The following KCTD7 variants were observed in gnomAD, a reference collection of about 807,000 sequenced individuals.
KCTD7 encodes potassium channel tetramerization domain containing 7, also known as BTB/POZ domain-containing protein KCTD7.
A neutral mutation model predicts 27.0 loss-of-function variants in KCTD7; 15 were observed. The observed-to-expected ratio is 0.56, with a 90% CI of 0.37 to 0.86. The LOEUF (loss-of-function observed/expected upper bound fraction) is 0.86. Among genes scored for constraint, KCTD7 ranks in the 40% least tolerant of loss-of-function variants. The pLI, the probability that KCTD7 is intolerant of heterozygous loss-of-function variation, is 0.00. For missense variants in KCTD7, 299 were observed against 398.9 expected, an observed-to-expected ratio of 0.75 and a Z score of 2.13; for synonymous variants, 159 against 162.7, an observed-to-expected ratio of 0.98 and a Z score of 0.17.
At chr7:66,637,541 C>G (rs996723996) in intron 2 of KCTD7, among the ~76,000 whole-genome samples, 2 of 151,674 alleles carry the variant, frequency 1.3e-5, no homozygotes, top group African/African-American at 2.4e-5. Context: ...CTAATAAAAA[C>G]AAAAAAACAA....
At position 66,642,300 on chromosome 7, in the gene KCTD7, T is replaced by C; in HGVS notation, c.*3068T>C. 2.0e-6 allele frequency: 2 copies of C among 985,434 alleles called. No individual in the cohort carries two copies. The highest frequency in any genetic ancestry group is 2.4e-6 in the Non-Finnish European group (2 of 829,918). 61.0% of individuals were successfully genotyped at this position (985,434 alleles called of 1,614,324 possible). A position where few individuals can be genotyped will look rare whatever the true frequency, so the allele number is the denominator to read the frequency against. ...TCACCAGGCTGCCCAGTGCTTACCA[T>C]GCAGAAAGCAGTCAGCTGTACTCTG... On this transcript the variant is annotated 3_prime_UTR_variant, in exon 4 of 4. Transcript: ENST00000639828.
rs758932889 is a variant in KCTD7, at chr7:66,642,788, A to G, written c.*3556A>G. The G allele has an allele frequency of 2.7e-5, 27 of 985,286 alleles. No homozygotes were observed. The highest frequency in any genetic ancestry group is 4.7e-5 in the South Asian group (1 of 21,276). The allele number at this position is 985,286 out of a possible 1,614,324, so 61.0% of individuals were successfully genotyped here. ...CACTTTTTGGAATTCTGAAAGAATC[A>G]TATCTGTGTATATACATACTGAGTG... is the stretch of plus-strand genomic sequence containing the variant. On this transcript the variant is annotated 3_prime_UTR_variant, in exon 4 of 4. Coordinates refer to ENST00000639828, the MANE Select transcript of KCTD7 (RefSeq NM_153033.5).
At chr7:66,630,502 G>A (rs151277742) in intron 1 of KCTD7, among the ~76,000 whole-genome samples, 3 of 152,290 alleles carry the variant, frequency 2.0e-5, no homozygotes, top group African/African-American at 7.2e-5. Flanking sequence ...GACTAAGGTA[G>A]TGCCAGATCC....
Position 66,639,125 on chromosome 7 carries a change from C to G in KCTD7, c.763C>G (p.Gln255Glu), listed in dbSNP as rs766720725. The change falls in exon 4 of 4, where the codon CAG becomes GAG. Residue 255 changes from glutamine to glutamate, a missense_variant. Gln to Glu is a conservative substitution (Grantham distance 29). Coordinates refer to ENST00000639828, the MANE Select transcript of KCTD7 (RefSeq NM_153033.5). Reference protein sequence around the residue: ...LHCLVTDLSAQGLTVDHQCIG... With the variant: ...LHCLVTDLSAEGLTVDHQCIG... ...CTGCCTGGTCACGGACCTCTCGGCC[C>G]AGGGTCTCACCGTGGACCACCAGTG... The G allele has an allele frequency of 6.2e-7, 1 of 1,614,052 alleles. No individual in the cohort carries two copies. Among genetic ancestry groups the G allele is most frequent in the African/African-American group, 1.3e-5 (1 of 74,918 alleles).
chr7:66,639,998 G>A lies in KCTD7; in HGVS notation c.*766G>A. ...ACAGGGCTGGAATGCAAATTTCAGA[G>A]GCTTCTTTTGAAGATTCCCCAAGTC... On this transcript the variant is annotated 3_prime_UTR_variant, in exon 4 of 4. Coordinates refer to ENST00000639828, the MANE Select transcript of KCTD7 (RefSeq NM_153033.5). 1 of 1,257,166 alleles carries A rather than the reference G, an allele frequency of 8.0e-7. No homozygotes were observed. Among genetic ancestry groups the A allele is most frequent in the Non-Finnish European group, 1.0e-6 (1 of 1,004,386 alleles). 77.9% of individuals were successfully genotyped at this position (1,257,166 alleles called of 1,614,324 possible).
In KCTD7 at chr7:66,642,233, A is replaced by G; in HGVS notation, c.*3001A>G. On this transcript the variant is annotated 3_prime_UTR_variant, in exon 4 of 4. Transcript: ENST00000639828. ...ATTCTTAGCGTAACACTCTAAATAA[A>G]TGGAAGGAATCATCACCTTCCTTAT... The G allele has an allele frequency of 2.0e-6, 2 of 985,470 alleles. No individual in the cohort carries two copies. The highest frequency in any genetic ancestry group is 9.4e-5 in the South Asian group (2 of 21,290). 61.0% of individuals were successfully genotyped at this position (985,470 alleles called of 1,614,324 possible).
chr7:66,633,509 G>A (rs894847620), intron 2 of KCTD7, 65 bp downstream of exon 2: 1 of 1,458,436 alleles, frequency 6.9e-7, no homozygotes, highest in African/African-American at 1.4e-5. Flanking sequence ...GCTTGAGTAT[G>A]GGACCTTGAT....
At chr7:66,634,080 A>G (rs1230247437) in intron 2 of KCTD7, among the ~76,000 whole-genome samples, 3 of 132,630 alleles carry the variant, frequency 2.3e-5, no homozygotes, top group Non-Finnish European at 4.9e-5. Flanking sequence ...ACATGCACAC[A>G]TATATATATA....
chr7:66,638,100 CA>C (rs1452360116), intron 2 of KCTD7, among the ~76,000 whole-genome samples, 152 bp from the exon 3 acceptor site: 1 of 152,200 alleles, frequency 6.6e-6, no homozygotes, highest in Non-Finnish European at 1.5e-5. Flanking sequence ...TCCAATTTTA[CA>C]GACAGGGAAA....
Position 66,639,891 on chromosome 7 carries a change from A to G in KCTD7, c.*659A>G. 2.4e-6 allele frequency: 3 copies of G among 1,243,628 alleles called. No homozygotes were observed. Among genetic ancestry groups the G allele is most frequent in the Non-Finnish European group, 3.0e-6 (3 of 995,004 alleles). 77.0% of individuals were successfully genotyped at this position (1,243,628 alleles called of 1,614,324 possible). A position where few individuals can be genotyped will look rare whatever the true frequency, so the allele number is the denominator to read the frequency against. ...CTATGCACCCAGTTGGCCTTAGAAAACCACAATGTTTACAGCCCTGTCTTA... is the reference window on the plus strand; with the variant it reads ...CTATGCACCCAGTTGGCCTTAGAAAGCCACAATGTTTACAGCCCTGTCTTA... On this transcript the variant is annotated 3_prime_UTR_variant, in exon 4 of 4. Coordinates refer to ENST00000639828, the MANE Select transcript of KCTD7 (RefSeq NM_153033.5).
Position 66,639,694 on chromosome 7 carries a change from G to C in KCTD7, c.*462G>C, listed in dbSNP as rs1261764070. ...ACGGAACATGATGGGGGATTTACCT[G>C]ACCAGCCACCCCATAGCCCCTGGCT... On this transcript the variant is annotated 3_prime_UTR_variant, in exon 4 of 4. Coordinates refer to ENST00000639828, the MANE Select transcript of KCTD7 (RefSeq NM_153033.5). 5 of 1,253,216 alleles carry C rather than the reference G, an allele frequency of 4.0e-6. No homozygotes were observed. In the South Asian group the frequency reaches 1.0e-4, roughly 26 times the overall value. 77.6% of individuals were successfully genotyped at this position (1,253,216 alleles called of 1,614,324 possible). A position where few individuals can be genotyped will look rare whatever the true frequency, so the allele number is the denominator to read the frequency against.
rs1390049689 is a variant in KCTD7, at chr7:66,629,128, G to A, written c.64G>A (p.Asp22Asn). The A allele has an allele frequency of 6.5e-7, 1 of 1,536,840 alleles. No homozygotes were observed. The highest frequency in any genetic ancestry group is 8.7e-7 in the Non-Finnish European group (1 of 1,143,924). ...TCAGGACGGTGCCATGTCCAGCTCT[G>A]ACGCCGAAGACGACTTTCTGGAGCC... ...RRQDGAMSSS[D>N]AEDDFLEPAT... The change falls in exon 1 of 4, where the codon GAC becomes AAC. Residue 22 changes from aspartate (D) to asparagine (N), a missense_variant. By Grantham distance (23) the Asp-to-Asn change is conservative. Transcript: ENST00000639828.
intron 3 of KCTD7, 79 bp from the exon 4 acceptor site, chr7:66,638,777 A>T: frequency 6.4e-7 from 1 of 1,557,742 alleles, no homozygotes; most frequent in Non-Finnish European, 8.8e-7. Context: ...TGCCATCTTC[A>T]GGACTGTTTC....
Position 66,640,150 on chromosome 7 carries a change from G to A in KCTD7, c.*918G>A. ...AGTTTGTGGTGAACCTCTTTGGAAG[G>A]GGACCCCCTCTCTTTAAACCCTGTT... is the stretch of plus-strand genomic sequence containing the variant. On this transcript the variant is annotated 3_prime_UTR_variant, in exon 4 of 4. Transcript: ENST00000639828. 7.4e-7 allele frequency: 1 copy of A among 1,359,088 alleles called. No individual in the cohort carries two copies. The highest frequency in any genetic ancestry group is 9.4e-7 in the Non-Finnish European group (1 of 1,062,268). 84.2% of individuals were successfully genotyped at this position (1,359,088 alleles called of 1,614,324 possible). A position where few individuals can be genotyped will look rare whatever the true frequency, so the allele number is the denominator to read the frequency against.
At position 66,641,056 on chromosome 7, in the gene KCTD7, C is replaced by G. The variant is rs1214502434; in HGVS notation, c.*1824C>G. On this transcript the variant is annotated 3_prime_UTR_variant, in exon 4 of 4. Transcript: ENST00000639828. ...AGATTCCAGGGCGTGGTTTTGCACTCCTGTTGTACTCTTTTAGAGGTGGAA... is the reference window on the plus strand; with the variant it reads ...AGATTCCAGGGCGTGGTTTTGCACTGCTGTTGTACTCTTTTAGAGGTGGAA... 2.0e-6 allele frequency: 2 copies of G among 985,150 alleles called. No homozygotes were observed. The highest frequency in any genetic ancestry group is 1.7e-5 in the African/African-American group (1 of 57,172). The allele number at this position is 985,150 out of a possible 1,614,324, so 61.0% of individuals were successfully genotyped here. A position where few individuals can be genotyped will look rare whatever the true frequency, so the allele number is the denominator to read the frequency against.
At chr7:66,633,184 G>A in intron 1 of KCTD7, 91 bp from the exon 2 acceptor site, 1 of 1,293,148 alleles carries the variant, frequency 7.7e-7, no homozygotes, top group Admixed American at 1.8e-5. Context: ...TGAATGGTGT[G>A]GCACCAATCA....
Position 66,640,399 on chromosome 7 carries a change from G to GAA in KCTD7, c.*1171_*1172dup, listed in dbSNP as rs1473427764. ...TACTTACTCCTCTATTTCAGAAATT[G>GAA]AAAAAGATCCCCAAGGATCTGTTAC... On this transcript the variant is annotated 3_prime_UTR_variant, in exon 4 of 4. Transcript: ENST00000639828. 1 of 1,537,080 alleles carries GAA rather than the reference G, an allele frequency of 6.5e-7. No homozygotes were observed. The highest frequency in any genetic ancestry group is 2.4e-5 in the East Asian group (1 of 40,924).
chr7:66,630,833 A>C (rs892639982), intron 1 of KCTD7, among the ~76,000 whole-genome samples: 6 of 152,178 alleles, frequency 3.9e-5, no homozygotes, highest in Non-Finnish European at 7.4e-5. Flanking sequence ...ACATTGCCCC[A>C]TGTGAGCTCC....
rs1467739687 is a variant in KCTD7, at chr7:66,641,543, G to T, written c.*2311G>T. The stretch of plus-strand genomic sequence containing the variant: ...TTGCTTAGGATTACAGGGATGCTGG[G>T]TAAGAACACCGTTCCTCTCTCTCGC... On this transcript the variant is annotated 3_prime_UTR_variant, in exon 4 of 4. Transcript: ENST00000639828. 2.0e-6 allele frequency: 2 copies of T among 985,268 alleles called. No individual in the cohort carries two copies. Among genetic ancestry groups the T allele is most frequent in the African/African-American group, 3.5e-5 (2 of 57,226 alleles). 61.0% of individuals were successfully genotyped at this position (985,268 alleles called of 1,614,324 possible).
Sources: allele counts gnomAD v4.1 joint callset (sites outside exome capture counted in the v4.1 genomes callset), GRCh38; gene constraint gnomAD v4.1.1; transcripts MANE v1.5; gene names NCBI Gene and HGNC (gene_info 2026-07-23, HGNC 2026-07-21).